The following SCAP variants were observed in gnomAD, a reference collection of about 807,000 sequenced individuals.
SCAP encodes the protein SREBF chaperone.
SCAP carries 65 observed loss-of-function variants against 123.6 expected under a neutral mutation model. The ratio of observed to expected loss-of-function variants is 0.53; its 90% CI spans 0.43 to 0.65. The LOEUF is 0.65. SCAP is among the 30% of genes least tolerant of loss of function. SCAP has a pLI of 0.00. For synonymous variants in SCAP, 740 were observed against 726.3 expected (o/e 1.02, Z -0.30); for missense variants, 1,398 against 1,712.5 (o/e 0.82, Z 3.24).
intron 21 of SCAP, 57 bp from the exon 22 acceptor site, chr3:47,414,443 T>C: frequency 6.3e-7 from 1 of 1,597,212 alleles, no homozygotes; most frequent in Admixed American, 1.7e-5. Flanking sequence ...CTGTCAACAG[T>C]GGTGTCCCTG....
chr3:47,473,085 A>AAAAAAAAAAAAAAAAAAAAAC (rs1473672454), intron 1 of SCAP, among the ~76,000 whole-genome samples: 2 of 144,506 alleles, frequency 1.4e-5, no homozygotes, highest in East Asian at 2.0e-4. Context: ...CATCTCAAAA[A>AAAAAAAAAAAAAAAAAAAAAC]AAAAAAAAAA....
chr3:47,423,379 A>C (rs1250120116), intron 9 of SCAP, among the ~76,000 whole-genome samples: 2 of 152,184 alleles, frequency 1.3e-5, no homozygotes, highest in Non-Finnish European at 2.9e-5. Flanking sequence ...CAGTAAGAGA[A>C]AATACTAGGC....
chr3:47,435,469 T>TAC (rs57702290), intron 2 of SCAP, among the ~76,000 whole-genome samples: 4,076 of 91,834 alleles, frequency 0.044, 79 homozygotes, highest in African/African-American at 0.072. Flanking sequence ...AATATAAACA[T>TAC]ACACACACAC....
chr3:47,463,098 T>C (rs1199093596), intron 1 of SCAP, among the ~76,000 whole-genome samples: 1 of 152,200 alleles, frequency 6.6e-6, no homozygotes, highest in African/African-American at 2.4e-5. Flanking sequence ...AAAAACAGAA[T>C]TCTTGATTTC....
chr3:47,427,723 G>T, intron 4 of SCAP, 56 bp from the exon 5 acceptor site: 1 of 1,464,068 alleles, frequency 6.8e-7, no homozygotes, highest in Non-Finnish European at 9.4e-7. Context: ...GGGCAGACCT[G>T]CTGTACTTAG....
intron 3 of SCAP, among the ~76,000 whole-genome samples, chr3:47,429,271 T>C (rs1181809259): frequency 6.6e-6 from 1 of 152,236 alleles, no homozygotes; most frequent in East Asian, 1.9e-4. Flanking sequence ...GCAGCGAGCC[T>C]CTTTTGCTCA....
In SCAP at chr3:47,414,161, T is replaced by C. The variant is rs1190593922; in HGVS notation, c.3594+19A>G. 2 of 1,613,502 alleles carry C rather than the reference T, an allele frequency of 1.2e-6. No individual in the cohort carries two copies. The highest frequency in any genetic ancestry group is 2.2e-5 in the East Asian group (1 of 44,898). ...CTTCCCTAAAATCCCAAGAATCCTA[T>C]GATCCCCATCCCCTCTACCTGCTGA... is the stretch of plus-strand genomic sequence containing the variant. On this transcript the variant is annotated intron_variant, in intron 22 of 22. Coordinates refer to ENST00000265565, the MANE Select transcript of SCAP (RefSeq NM_012235.4).
At chr3:47,430,577 G>A (rs546895213) in intron 3 of SCAP, among the ~76,000 whole-genome samples, 6 of 152,310 alleles carry the variant, frequency 3.9e-5, no homozygotes, top group Admixed American at 2.6e-4. Flanking sequence ...CAGAAATTAC[G>A]AGGAAGATGA....
chr3:47,455,062 CATATATATATAT>C (rs58460988), intron 1 of SCAP, among the ~76,000 whole-genome samples: 24,584 of 127,894 alleles, frequency 0.19, 2,393 homozygotes, highest in East Asian at 0.36. Context: ...AAAAAAATTA[CATATATATATAT>C]ATATATATAT....
rs540359770 is a variant in SCAP at position 47,445,530 on chromosome 3, C to T, written c.-98-2439G>A. Among the ~76,000 whole-genome samples, 5 of 151,956 alleles carry T rather than the reference C, an allele frequency of 3.3e-5. No individual in the cohort carries two copies. In the South Asian group the frequency reaches 1.0e-3, roughly 32 times the overall value. On this transcript the variant is annotated intron_variant, in intron 1 of 22. Coordinates refer to ENST00000265565, the MANE Select transcript of SCAP (RefSeq NM_012235.4). ...AAAGTGCTGGGATTACAGGCATGAG[C>T]CACCACGCCAGGCCACATTATTCTT...
chr3:47,414,775 T>C lies in SCAP; in HGVS notation c.3306+52A>G. On this transcript the variant is annotated intron_variant, in intron 20 of 22. Transcript: ENST00000265565. ...CCTCTCCCTGACGAATGCATCAGGCTCCCACCCCGTGCCGGGCCACTCCAG... is the reference window on the plus strand; with the variant it reads ...CCTCTCCCTGACGAATGCATCAGGCCCCCACCCCGTGCCGGGCCACTCCAG... The C allele has an allele frequency of 2.5e-6, 4 of 1,599,566 alleles. No individual in the cohort carries two copies. In the South Asian group the frequency reaches 4.5e-5, roughly 18 times the overall value.
In SCAP at chr3:47,419,542, C is replaced by A; in HGVS notation, c.1726G>T (p.Ala576Ser). 1 of 1,613,726 alleles carries A rather than the reference C, an allele frequency of 6.2e-7. No homozygotes were observed. Among genetic ancestry groups the A allele is most frequent in the Admixed American group, 1.7e-5 (1 of 59,992 alleles). Residue 576 changes from alanine to serine, a missense_variant, in exon 13 of 23, where the codon GCC (alanine) becomes TCC (serine). By Grantham distance (99) the Ala-to-Ser change is moderately conservative. Around this residue, in one of 7 missense-constraint regions of SCAP, gnomAD observed 828 missense variants for 882.5 expected, o/e 0.94. Transcript: ENST00000265565. The surrounding 1 kb of genome is among the most constrained non-coding windows in gnomAD (Gnocchi z 5.0). Reference protein sequence around the residue: ...GMLPPSHPDPAFSIFPPDAPK... With the variant: ...GMLPPSHPDPSFSIFPPDAPK... ...GCATCAGGTGGGAAGATGGAGAAGGCAGGGTCCGGGTGGCTGGGGGGCAGC... is the reference window on the plus strand; with the variant it reads ...GCATCAGGTGGGAAGATGGAGAAGGAAGGGTCCGGGTGGCTGGGGGGCAGC...
Position 47,413,832 on chromosome 3 carries a change from C to T in SCAP, c.*22G>A. 2.5e-6 allele frequency: 4 copies of T among 1,604,802 alleles called. No homozygotes were observed. On this transcript the variant is annotated 3_prime_UTR_variant, in exon 23 of 23. Transcript: ENST00000265565. The stretch of plus-strand genomic sequence containing the variant: ...CCCCACACAGCACCCCAGCCTCCTG[C>T]CTGGGCAAGGAGGCCCTGCGCTCAG...
At chr3:47,469,514 T>C (rs963976229) in intron 1 of SCAP, among the ~76,000 whole-genome samples, 2 of 152,190 alleles carry the variant, frequency 1.3e-5, no homozygotes, top group African/African-American at 4.8e-5. Context: ...CGTGCCACCA[T>C]GACCCTGCTA....
chr3:47,473,378 A>G (rs1708144106), intron 1 of SCAP, among the ~76,000 whole-genome samples: 1 of 152,132 alleles, frequency 6.6e-6, no homozygotes, highest in South Asian at 2.1e-4. Flanking sequence ...CTGAGTGGCA[A>G]AAGACGACAC....
Position 47,426,044 on chromosome 3 carries a change from A to G in SCAP, c.863T>C (p.Leu288Pro). ...EEIGVAELIP[L>P]VTTYIILFAY... is the part of the protein sequence containing the mutation. ...AAACAAGATGATGTAGGTGGTCACA[A>G]GGGGGATGAGCTCAGCGACACCAAT... The change falls in exon 7 of 23, where the codon CTT becomes CCT. Residue 288 changes from leucine to proline, a missense_variant. Physicochemically the swap from Leu to Pro is moderately conservative, Grantham distance 98. Around this residue, in one of 7 missense-constraint regions of SCAP, gnomAD observed 319 missense variants for 432.4 expected, o/e 0.74. Coordinates refer to ENST00000265565, the MANE Select transcript of SCAP (RefSeq NM_012235.4). The G allele has an allele frequency of 6.2e-7, 1 of 1,614,194 alleles. No homozygotes were observed. The highest frequency in any genetic ancestry group is 8.5e-7 in the Non-Finnish European group (1 of 1,180,028).
intron 1 of SCAP, among the ~76,000 whole-genome samples, chr3:47,455,740 C>T (rs1707400852): frequency 6.6e-6 from 1 of 152,094 alleles, no homozygotes; most frequent in Non-Finnish European, 1.5e-5. Flanking sequence ...ACTCTTCCTA[C>T]ATTCATCTAG....
chr3:47,432,591 A>G (rs1706411004), intron 3 of SCAP, among the ~76,000 whole-genome samples: 1 of 152,076 alleles, frequency 6.6e-6, no homozygotes, highest in African/African-American at 2.4e-5. Context: ...TAGGGAAGGA[A>G]GTTTTGGCTC....
intron 6 of SCAP, 126 bp from the exon 7 acceptor site, chr3:47,426,295 A>G: frequency 1.6e-5 from 15 of 940,870 alleles, no homozygotes; most frequent in East Asian, 2.7e-5. Flanking sequence ...GAACTTCTCT[A>G]TGGTGCCTGA....
Sources: allele counts gnomAD v4.1 joint callset (sites outside exome capture counted in the v4.1 genomes callset), GRCh38; gene constraint gnomAD v4.1.1; regional missense constraint gnomAD v4.1.1; non-coding constraint Gnocchi (gnomAD v3.1); transcripts MANE v1.5; gene names NCBI Gene and HGNC (gene_info 2026-07-23, HGNC 2026-07-21).